MAP3K15: variants seen among roughly 807,000 people sequenced by gnomAD.
The protein encoded by MAP3K15 is MAPK/ERK kinase kinase 15.
A neutral mutation model predicts 99.5 loss-of-function variants in MAP3K15; 124 were observed. The observed-to-expected ratio is 1.25, with a 90% CI of 1.08 to 1.45. MAP3K15 has a LOEUF of 1.45. Among genes scored for constraint, MAP3K15 ranks in the 40% most tolerant of loss-of-function variants. MAP3K15 has a pLI of 0.00. For synonymous variants in MAP3K15, 494 were observed against 439.6 expected (o/e 1.12, Z -1.55); for missense variants, 1,242 against 1,079.7 (o/e 1.15, Z -2.11).
intron 3 of MAP3K15, among the ~76,000 whole-genome samples, chrX:19,483,302 G>A (rs1003662867): frequency 9.3e-6 from 1 of 107,711 alleles, no homozygotes; most frequent in African/African-American, 3.4e-5. Flanking sequence ...TGCCCACTTC[G>A]CTGCCACATA....
At chrX:19,477,779 AAAG>A (rs1293056312) in intron 3 of MAP3K15, among the ~76,000 whole-genome samples, 1 of 20,279 alleles carries the variant, frequency 4.9e-5, no homozygotes, top group Non-Finnish European at 1.0e-4. Flanking sequence ...TGAAGGAAGA[AAAG>A]AAGGAGAGGG....
intron 10 of MAP3K15, 113 bp downstream of exon 10, chrX:19,414,994 A>G: frequency 1.5e-6 from 1 of 675,277 alleles, no homozygotes. Flanking sequence ...GTTTATCCCA[A>G]CATTTAAAAT....
At chrX:19,460,937 G>A (rs1267485785) in intron 4 of MAP3K15, among the ~76,000 whole-genome samples, 1 of 107,536 alleles carries the variant, frequency 9.3e-6, no homozygotes, top group African/African-American at 3.4e-5. Flanking sequence ...ACTACACCTG[G>A]CTAATTTTTG....
In MAP3K15 at chrX:19,462,135, A is replaced by C. The variant is rs1247860548; in HGVS notation, c.720-1982T>G. Among the ~76,000 whole-genome samples the C allele has an allele frequency of 2.7e-5, 3 of 111,431 alleles. No individual in the cohort carries two copies. The East Asian group carries it at 8.4e-4, about 31-fold the overall frequency. The stretch of plus-strand genomic sequence containing the variant: ...TTTAATAATAGTCTTCAAAGAGAGA[A>C]AAACAACATGAGATACGATAAGAAC... On this transcript the variant is annotated intron_variant, in intron 4 of 28. Coordinates refer to ENST00000338883, the MANE Select transcript of MAP3K15 (RefSeq NM_001001671.4).
At chrX:19,378,321 A>G (rs1159137704) in intron 19 of MAP3K15, among the ~76,000 whole-genome samples, 8 of 112,684 alleles carry the variant, frequency 7.1e-5, no homozygotes, top group African/African-American at 2.6e-4. Flanking sequence ...TCCTAGGGCT[A>G]GAGCTCTGCA....
chrX:19,413,976 C>T (rs187109870), intron 10 of MAP3K15, among the ~76,000 whole-genome samples: 152 of 109,311 alleles, frequency 1.4e-3, no homozygotes, highest in African/African-American at 4.6e-3. Context: ...GCCTGGCCAA[C>T]GTGGTGAAGC....
chrX:19,437,867 G>C (rs1259292924), intron 6 of MAP3K15, among the ~76,000 whole-genome samples: 2 of 110,839 alleles, frequency 1.8e-5, no homozygotes, highest in Non-Finnish European at 3.8e-5. Context: ...CGATTACTAT[G>C]TGAAAAAAAC....
At position 19,398,319 on chromosome X, in the gene MAP3K15, A is replaced by G. The variant is rs1021387704; in HGVS notation, c.1973T>C (p.Leu658Ser). 2.5e-6 allele frequency: 3 copies of G among 1,209,446 alleles called. No individual in the cohort carries two copies. The Admixed American group carries it at 6.6e-5, about 27-fold the overall frequency. The change falls in exon 15 of 29, where the codon TTG becomes TCG. Residue 658 changes from leucine (L) to serine (S), a missense_variant. By Grantham distance (145) the Leu-to-Ser change is moderately radical. Transcript: ENST00000338883. ...DHDANGERVV[L>S]GKGTYGIVYA... The stretch of plus-strand genomic sequence containing the variant: ...CACAATCCCATACGTGCCTTTCCCC[A>G]AGACAACTCTCTCACCATTTGCATC...
rs750804382 is a variant in MAP3K15 at position 19,413,471 on chromosome X, C to T, written c.1591-7G>A. 19 of 1,165,729 alleles carry T rather than the reference C, an allele frequency of 1.6e-5. No individual in the cohort carries two copies. The highest frequency in any genetic ancestry group is 6.0e-5 in the East Asian group (2 of 33,441). On this transcript the variant is annotated splice_region_variant and splice_polypyrimidine_tract_variant and intron_variant, in intron 10 of 28. Coordinates refer to ENST00000338883, the MANE Select transcript of MAP3K15 (RefSeq NM_001001671.4). ...TTGGCTCTATGACCAGAACCTGAAA[C>T]AAGAACAGATGCCTGTTAACGTACA...
chrX:19,431,526 T>C lies in MAP3K15; in HGVS notation c.1078A>G (p.Met360Val). 1.7e-6 allele frequency: 2 copies of C among 1,199,910 alleles called. No individual in the cohort carries two copies. Among genetic ancestry groups the C allele is most frequent in the Non-Finnish European group, 2.2e-6 (2 of 894,814 alleles). Residue 360 changes from methionine to valine, a missense_variant, in exon 7 of 29, where the codon ATG becomes GTG. By Grantham distance (21) the Met-to-Val change is conservative. Coordinates refer to ENST00000338883, the MANE Select transcript of MAP3K15 (RefSeq NM_001001671.4). ...LQSCDHPGPD[M>V]FCLCGRIYKD... ...TAGATCCTCCCACACAGGCAGAACATGTCGGGGCCCGGGTGATCACAGCTC... is the reference window on the plus strand; with the variant it reads ...TAGATCCTCCCACACAGGCAGAACACGTCGGGGCCCGGGTGATCACAGCTC...
intron 3 of MAP3K15, among the ~76,000 whole-genome samples, chrX:19,484,981 G>A (rs1169411197): frequency 2.7e-5 from 3 of 111,062 alleles, no homozygotes; most frequent in South Asian, 3.8e-4. Context: ...AATCTCCTTC[G>A]ACTTCTTCCC....
Position 19,360,088 on chromosome X carries a change from G to A in MAP3K15, c.*661C>T. 5.8e-6 allele frequency: 1 copy of A among 171,443 alleles called. No homozygotes were observed. Among genetic ancestry groups the A allele is most frequent in the South Asian group, 1.1e-4 (1 of 9,148 alleles). 14.1% of individuals were successfully genotyped at this position (171,443 alleles called of 1,213,427 possible). On this transcript the variant is annotated 3_prime_UTR_variant, in exon 29 of 29. Transcript: ENST00000338883. ...AGATACAATATTTATTATCAGGCAAGAGGACAGTTCCATTTTAAAATAAGA... is the reference window on the plus strand; with the variant it reads ...AGATACAATATTTATTATCAGGCAAAAGGACAGTTCCATTTTAAAATAAGA...
chrX:19,457,081 G>A, intron 5 of MAP3K15, 62 bp from the exon 6 acceptor site: 1 of 847,955 alleles, frequency 1.2e-6, no homozygotes, highest in Non-Finnish European at 1.7e-6. Context: ...TGATTTTTCT[G>A]AATTGTTATA....
chrX:19,410,024 T>C, intron 11 of MAP3K15, 51 bp from the exon 12 acceptor site: 2 of 1,065,984 alleles, frequency 1.9e-6, no homozygotes, highest in Non-Finnish European at 2.6e-6. Context: ...TTAAAGCAAA[T>C]GATTTTTTTT....
In MAP3K15 at chrX:19,373,110, G is replaced by A. The variant is rs755949922; in HGVS notation, c.2934-283C>T. ...GGGGCAAGCACAGAAGGAGAGGTGA[G>A]GGAGGGAAGGTGAGGGGGACAGGGG... is the stretch of plus-strand genomic sequence containing the variant. On this transcript the variant is annotated intron_variant, in intron 21 of 28. Coordinates refer to ENST00000338883, the MANE Select transcript of MAP3K15 (RefSeq NM_001001671.4). The A allele has an allele frequency of 1.9e-5, 5 of 257,239 alleles. No individual in the cohort carries two copies. The South Asian group carries it at 5.0e-4, about 26-fold the overall frequency. 21.2% of individuals were successfully genotyped at this position (257,239 alleles called of 1,213,427 possible).
chrX:19,433,502 C>T lies in MAP3K15; in HGVS notation c.996-1894G>A, dbSNP rs1480040252. ...CTGGCTTCAGGACTTACCCCAACAG[C>T]ATCCCTGGTTCTCAGGCCTTTGGAC... On this transcript the variant is annotated intron_variant, in intron 6 of 28. Transcript: ENST00000338883. Among the ~76,000 whole-genome samples the T allele has an allele frequency of 4.5e-5, 5 of 111,154 alleles. No individual in the cohort carries two copies. The Admixed American group carries it at 4.8e-4, about 11-fold the overall frequency.
rs752338378 is a variant in MAP3K15 at position 19,395,117 on chromosome X, C to T, written c.2158G>A (p.Gly720Ser). 1.5e-5 allele frequency: 18 copies of T among 1,205,891 alleles called. No homozygotes were observed. In the Admixed American group the frequency reaches 3.5e-4, roughly 24 times the overall value. Residue 720 changes from glycine to serine, a missense_variant, in exon 16 of 29, where the codon GGC becomes AGC. Coordinates refer to ENST00000338883, the MANE Select transcript of MAP3K15 (RefSeq NM_001001671.4). ...TGCTCCATAAATATCTTAATGTAGC[C>T]GTTCTCTGAAACAGAGCCCAGGTAC... is the stretch of plus-strand genomic sequence containing the variant. ...VQYLGSVSENGYIKIFMEQVP... is the reference protein window; with the variant it reads ...VQYLGSVSENSYIKIFMEQVP...
intron 1 of MAP3K15, among the ~76,000 whole-genome samples, chrX:19,496,017 C>T (rs2064398937): frequency 9.1e-6 from 1 of 109,535 alleles, no homozygotes; most frequent in Non-Finnish European, 1.9e-5. Context: ...TCACACCCTT[C>T]ACAGCTCCAA....
intron 27 of MAP3K15, 32 bp downstream of exon 27, chrX:19,361,461 A>G (rs2063286734): frequency 8.4e-7 from 1 of 1,195,155 alleles, no homozygotes; most frequent in Non-Finnish European, 1.1e-6. Context: ...CTGTGTAACA[A>G]CAGCATAAGA....
Sources: allele counts gnomAD v4.1 joint callset (sites outside exome capture counted in the v4.1 genomes callset), GRCh38; gene constraint gnomAD v4.1.1; transcripts MANE v1.5; gene names NCBI Gene and HGNC (gene_info 2026-07-23, HGNC 2026-07-21).